The following GPC6 variants were observed in gnomAD, a reference collection of about 807,000 sequenced individuals.
GPC6 encodes the protein glypican-6.
A neutral mutation model predicts 55.2 loss-of-function variants in GPC6; 14 were observed. The observed-to-expected ratio is 0.25, with a 90% CI of 0.17 to 0.40. The LOEUF is 0.40. Among genes scored for constraint, GPC6 ranks in the 10% least tolerant of loss-of-function variants. GPC6 has a pLI of 1.00. For missense variants in GPC6, 641 were observed against 708.5 expected (o/e 0.90, Z 1.08); for synonymous variants, 278 against 259.6 (o/e 1.07, Z -0.68).
intron 2 of GPC6, among the ~76,000 whole-genome samples, chr13:93,788,518 T>TACAC (rs71203703): frequency 0.029 from 4,226 of 147,824 alleles, 133 homozygotes; most frequent in African/African-American, 0.079. Flanking sequence ...GTTCACTCTT[T>TACAC]ACACACACAC....
At chr13:93,683,613 TA>T (rs1489972441) in intron 2 of GPC6, among the ~76,000 whole-genome samples, 1 of 152,206 alleles carries the variant, frequency 6.6e-6, no homozygotes, top group Non-Finnish European at 1.5e-5. Context: ...CTACTGTTTA[TA>T]TTTTGCCTGA....
chr13:93,575,748 G>C (rs1876633690), intron 2 of GPC6, among the ~76,000 whole-genome samples: 2 of 152,084 alleles, frequency 1.3e-5, no homozygotes, highest in South Asian at 4.1e-4. Context: ...GCCTTCTGAA[G>C]AATATTGCAT....
chr13:94,073,652 T>C lies in GPC6; in HGVS notation c.877+45758T>C, dbSNP rs1360754081. 3.9e-5 allele frequency among the ~76,000 whole-genome samples: 6 copies of C among 152,196 alleles called. No homozygotes were observed. The East Asian group carries it at 9.7e-4, about 24-fold the overall frequency. On this transcript the variant is annotated intron_variant, in intron 4 of 8. Transcript: ENST00000377047. ...ACGGAGATTCTGCTGATGAGACCTG[T>C]TTCACAGGTCCAAGTATCAGGTGGT... is the stretch of plus-strand genomic sequence containing the variant.
intron 2 of GPC6, among the ~76,000 whole-genome samples, chr13:93,756,097 G>C (rs1181611777): frequency 3.9e-4 from 59 of 152,108 alleles, no homozygotes; most frequent in Non-Finnish European, 1.5e-4. Flanking sequence ...TTCCCAGTAA[G>C]TTTTAAAGAG....
At chr13:93,769,084 G>A (rs1885211314) in intron 2 of GPC6, among the ~76,000 whole-genome samples, 1 of 152,090 alleles carries the variant, frequency 6.6e-6, no homozygotes, top group Admixed American at 6.6e-5. Flanking sequence ...AAATCACATG[G>A]GATTTTTCAT....
intron 4 of GPC6, among the ~76,000 whole-genome samples, chr13:94,040,336 T>C (rs888455236): frequency 1.2e-4 from 18 of 151,822 alleles, no homozygotes; most frequent in Non-Finnish European, 1.8e-4. Flanking sequence ...AAGGTAATTA[T>C]TCATTGGTTT....
At chr13:94,158,997 C>A (rs1012944346) in intron 4 of GPC6, among the ~76,000 whole-genome samples, 6 of 152,130 alleles carry the variant, frequency 3.9e-5, no homozygotes, top group Non-Finnish European at 8.8e-5. Flanking sequence ...CTTTCTCACT[C>A]CCACCTGTAG....
intron 6 of GPC6, among the ~76,000 whole-genome samples, chr13:94,350,172 G>T (rs1878475558): frequency 6.6e-6 from 1 of 151,994 alleles, no homozygotes; most frequent in Admixed American, 6.6e-5. Flanking sequence ...ACAGCCTGAT[G>T]ATTGCATCCC....
intron 2 of GPC6, among the ~76,000 whole-genome samples, chr13:93,822,856 T>G (rs561834332): frequency 5.8e-5 from 8 of 137,918 alleles, no homozygotes; most frequent in Non-Finnish European, 1.2e-4. Context: ...TATTATTATT[T>G]TATTATTATT....
intron 3 of GPC6, among the ~76,000 whole-genome samples, chr13:93,988,966 G>C (rs533837901): frequency 6.6e-6 from 1 of 152,228 alleles, no homozygotes; most frequent in South Asian, 2.1e-4. Context: ...TAGATAGGTA[G>C]ATCAATAATA....
At chr13:93,431,441 A>G (rs201550796) in intron 1 of GPC6, among the ~76,000 whole-genome samples, 1 of 152,288 alleles carries the variant, frequency 6.6e-6, no homozygotes, top group East Asian at 1.9e-4. Context: ...ATATAAAAAA[A>G]TACATAACAG....
intron 3 of GPC6, among the ~76,000 whole-genome samples, chr13:93,881,411 A>G (rs1308423948): frequency 1.3e-5 from 2 of 152,146 alleles, no homozygotes; most frequent in African/African-American, 4.8e-5. Context: ...CATTGGTAAC[A>G]AACACCTAAA....
intron 4 of GPC6, among the ~76,000 whole-genome samples, chr13:94,089,765 T>C (rs539732704): frequency 2.0e-5 from 3 of 152,244 alleles, no homozygotes; most frequent in African/African-American, 7.2e-5. Context: ...GTGACTCAGA[T>C]TTTTTTCTCC....
At chr13:93,273,574 C>A (rs927349456) in intron 1 of GPC6, among the ~76,000 whole-genome samples, 1 of 152,058 alleles carries the variant, frequency 6.6e-6, no homozygotes, top group Non-Finnish European at 1.5e-5. Context: ...AGGAGAATGG[C>A]ATGAACCCGG....
chr13:93,526,382 G>A (rs1481636667), intron 1 of GPC6, among the ~76,000 whole-genome samples: 1 of 150,612 alleles, frequency 6.6e-6, no homozygotes. Flanking sequence ...AGGGATTAAA[G>A]ATGTAGACCC....
intron 1 of GPC6, among the ~76,000 whole-genome samples, chr13:93,412,088 A>G (rs934763845): frequency 3.3e-5 from 5 of 152,142 alleles, no homozygotes; most frequent in Admixed American, 3.3e-4. Flanking sequence ...ACGTATCTGC[A>G]TCAACACCAC....
At chr13:93,583,137 C>T (rs2017898) in intron 2 of GPC6, among the ~76,000 whole-genome samples, 1 of 152,162 alleles carries the variant, frequency 6.6e-6, no homozygotes, top group Non-Finnish European at 1.5e-5. Context: ...CACTGAATGA[C>T]AGAGTATTCT....
intron 4 of GPC6, among the ~76,000 whole-genome samples, chr13:94,074,791 C>T (rs1420618417): frequency 2.0e-5 from 3 of 152,124 alleles, no homozygotes; most frequent in Non-Finnish European, 4.4e-5. Context: ...ATGACTGAAA[C>T]AAAAGTTTTA....
chr13:94,302,564 G>A (rs1566652217), intron 5 of GPC6, among the ~76,000 whole-genome samples: 1 of 152,198 alleles, frequency 6.6e-6, no homozygotes, highest in African/African-American at 2.4e-5. Flanking sequence ...ATGGATATAT[G>A]TTAAGGTATA....
Sources: allele counts gnomAD v4.1 joint callset (sites outside exome capture counted in the v4.1 genomes callset), GRCh38; gene constraint gnomAD v4.1.1; transcripts MANE v1.5; gene names NCBI Gene and HGNC (gene_info 2026-07-23, HGNC 2026-07-21).